Variants in SMDT1 observed in about 807,000 individuals in gnomAD.
SMDT1 encodes the protein single-pass membrane protein with aspartate rich tail 1.
Under a neutral mutation model 5.9 loss-of-function variants are expected in SMDT1, and 6 were observed. The observed-to-expected ratio is 1.03, with a 90% CI of 0.56 to 2.02. The LOEUF (loss-of-function observed/expected upper bound fraction) is 2.02. SMDT1 is among the 30% of genes most tolerant of loss of function. The pLI is 0.00. For missense variants in SMDT1, 159 were observed against 145.6 expected, an observed-to-expected ratio of 1.09 and a Z score of -0.47; for synonymous variants, 81 against 62.4, an observed-to-expected ratio of 1.30 and a Z score of -1.40.
rs532195634 is a variant in SMDT1 at position 42,084,216 on chromosome 22, A to G, written c.*1101A>G. ...AACTTGGAAGCTCCACGCCCCTTCT[A>G]TACCTCACCCTATGCATCTCTTCAG... On this transcript the variant is annotated 3_prime_UTR_variant, in exon 3 of 3. Coordinates refer to ENST00000331479, the MANE Select transcript of SMDT1 (RefSeq NM_033318.5). 2 of 152,304 alleles carry G rather than the reference A, an allele frequency of 1.3e-5. No homozygotes were observed. The highest frequency in any genetic ancestry group is 6.5e-5 in the Admixed American group (1 of 15,300). 9.4% of individuals were successfully genotyped at this position (152,304 alleles called of 1,614,324 possible).
rs568135886 is a variant in SMDT1 at position 42,081,130 on chromosome 22, T to A, written c.187-795T>A. On this transcript the variant is annotated intron_variant, in intron 1 of 2. Transcript: ENST00000331479. ...CTTAGACTTTTCTTTCCAGTGGACT[T>A]TTCGTCCATTTTGATGGCCATAACA... Among the ~76,000 whole-genome samples the A allele has an allele frequency of 1.1e-4, 16 of 152,262 alleles. No homozygotes were observed. The South Asian group carries it at 3.3e-3, about 32-fold the overall frequency.
At chr22:42,081,258 C>T (rs1375658136) in intron 1 of SMDT1, among the ~76,000 whole-genome samples, 4 of 151,678 alleles carry the variant, frequency 2.6e-5, no homozygotes, top group African/African-American at 4.8e-5. Context: ...CTCCGCCTCC[C>T]GGGTTCAAGT....
At position 42,083,172 on chromosome 22, in the gene SMDT1, C is replaced by T. The variant is rs897493930; in HGVS notation, c.*57C>T. On this transcript the variant is annotated 3_prime_UTR_variant, in exon 3 of 3. Transcript: ENST00000331479. ...GAAGAAATGGTGATGCTCTCAGTTT[C>T]TCTGCCTTCCCTATCAGCAGAAAGG... is the stretch of plus-strand genomic sequence containing the variant. 1 of 152,636 alleles carries T rather than the reference C, an allele frequency of 6.6e-6. No homozygotes were observed. The highest frequency in any genetic ancestry group is 1.5e-5 in the Non-Finnish European group (1 of 68,038). 9.5% of individuals were successfully genotyped at this position (152,636 alleles called of 1,614,324 possible).
intron 1 of SMDT1, 53 bp downstream of exon 1, chr22:42,080,007 G>C: frequency 1.9e-6 from 3 of 1,541,886 alleles, no homozygotes; most frequent in Non-Finnish European, 2.6e-6. Context: ...TCATTGTGGG[G>C]AGTGCGTGAG....
Position 42,081,907 on chromosome 22 carries a change from C to A in SMDT1, c.187-18C>A, listed in dbSNP as rs368212267. ...AGTGGGCTCTGGAGCTCACAGCTGC[C>A]ACTCTGACCCTCTGCAGATGTCCTT... is the stretch of plus-strand genomic sequence containing the variant. On this transcript the variant is annotated intron_variant, in intron 1 of 2. Coordinates refer to ENST00000331479, the MANE Select transcript of SMDT1 (RefSeq NM_033318.5). 6.2e-7 allele frequency: 1 copy of A among 1,613,178 alleles called. No individual in the cohort carries two copies. Among genetic ancestry groups the A allele is most frequent in the African/African-American group, 1.3e-5 (1 of 74,904 alleles).
chr22:42,082,937 A>G (rs973909199), intron 2 of SMDT1, among the ~76,000 whole-genome samples, 182 bp from the exon 3 acceptor site: 8 of 152,150 alleles, frequency 5.3e-5, no homozygotes, highest in African/African-American at 1.9e-4. Context: ...TTTTTTATAC[A>G]TTGCGGCCCC....
rs1927622083 is a variant in SMDT1, at chr22:42,079,879, C to T, written c.111C>T (p.Gly37=). The T allele has an allele frequency of 1.2e-6, 2 of 1,614,226 alleles. No individual in the cohort carries two copies. Among genetic ancestry groups the T allele is most frequent in the South Asian group, 2.2e-5 (2 of 91,080 alleles). The part of the protein sequence containing the change: ...KDGDVSAAWS[G]SGRSLVPSRS... ...GCGATGTCTCCGCCGCATGGAGCGGCTCAGGCCGGAGCCTGGTACCGTCGA... is the reference window on the plus strand; with the variant it reads ...GCGATGTCTCCGCCGCATGGAGCGGTTCAGGCCGGAGCCTGGTACCGTCGA... The change falls in exon 1 of 3, where the codon GGC becomes GGT. Residue 37 remains glycine, a synonymous_variant. Transcript: ENST00000331479.
intron 1 of SMDT1, among the ~76,000 whole-genome samples, chr22:42,081,134 G>A (rs892666938): frequency 2.0e-5 from 3 of 151,136 alleles, no homozygotes; most frequent in Non-Finnish European, 4.4e-5. Flanking sequence ...TGGACTTTTC[G>A]TCCATTTTGA....
chr22:42,079,709 G>C lies in SMDT1; in HGVS notation c.-60G>C. On this transcript the variant is annotated 5_prime_UTR_variant, in exon 1 of 3. Coordinates refer to ENST00000331479, the MANE Select transcript of SMDT1 (RefSeq NM_033318.5). ...GGCTTCGGGCGGCTTTCTTCCCGAG[G>C]GCGGCACGAGGGCTGGGCGGTGGGG... The C allele has an allele frequency of 3.9e-6, 6 of 1,533,040 alleles. No individual in the cohort carries two copies. The highest frequency in any genetic ancestry group is 5.2e-6 in the Non-Finnish European group (6 of 1,145,388). 95.0% of individuals were successfully genotyped at this position (1,533,040 alleles called of 1,614,324 possible).
At position 42,083,757 on chromosome 22, in the gene SMDT1, A is replaced by G. The variant is rs1203487672; in HGVS notation, c.*642A>G. The stretch of plus-strand genomic sequence containing the variant: ...AACCCTTGTTTTAGGCTTTTGTTAT[A>G]ATGTTGGGCACTTCGGGCCTCAGAA... On this transcript the variant is annotated 3_prime_UTR_variant, in exon 3 of 3. Coordinates refer to ENST00000331479, the MANE Select transcript of SMDT1 (RefSeq NM_033318.5). The G allele has an allele frequency of 6.6e-6, 1 of 152,134 alleles. No individual in the cohort carries two copies. The highest frequency in any genetic ancestry group is 1.5e-5 in the Non-Finnish European group (1 of 68,026). The allele number at this position is 152,134 out of a possible 1,614,324, so 9.4% of individuals were successfully genotyped here.
intron 2 of SMDT1, among the ~76,000 whole-genome samples, chr22:42,082,697 A>G (rs891864485): frequency 2.6e-5 from 4 of 152,084 alleles, no homozygotes; most frequent in Non-Finnish European, 5.9e-5. Context: ...CCCACCCCCA[A>G]ACATTGGCTC....
Position 42,079,885 on chromosome 22 carries a change from C to T in SMDT1, c.117C>T (p.Gly39=). The T allele has an allele frequency of 6.2e-7, 1 of 1,614,186 alleles. No individual in the cohort carries two copies. ...TCTCCGCCGCATGGAGCGGCTCAGG[C>T]CGGAGCCTGGTACCGTCGAGGTCAG... ...GDVSAAWSGS[G]RSLVPSRSVI... The change falls in exon 1 of 3, where the codon GGC becomes GGT. Residue 39 remains glycine, a synonymous_variant. Coordinates refer to ENST00000331479, the MANE Select transcript of SMDT1 (RefSeq NM_033318.5).
chr22:42,080,248 C>G (rs1239698274), intron 1 of SMDT1, among the ~76,000 whole-genome samples: 1 of 152,130 alleles, frequency 6.6e-6, no homozygotes, highest in African/African-American at 2.4e-5. Flanking sequence ...GTGCTTCTAG[C>G]TTAGAGCAGT....
At chr22:42,081,057 T>C (rs909419575) in intron 1 of SMDT1, among the ~76,000 whole-genome samples, 1 of 152,206 alleles carries the variant, frequency 6.6e-6, no homozygotes, top group Admixed American at 6.5e-5. Flanking sequence ...CCTGTAGGGA[T>C]TTAAAGTAAT....
At chr22:42,080,215 C>G (rs1014766895) in intron 1 of SMDT1, among the ~76,000 whole-genome samples, 2 of 152,194 alleles carry the variant, frequency 1.3e-5, no homozygotes, top group Admixed American at 6.5e-5. Flanking sequence ...CTCTGCTCCT[C>G]TGGAGTCAGA....
In SMDT1 at chr22:42,081,962, T is replaced by A. The variant is rs376600035; in HGVS notation, c.224T>A (p.Ile75Asn). Reference sequence around the variant, plus strand: ...CTTCTCCGTGTGTTCTCCATTGTGATCCCCTTTCTCTATGTCGGGACACTC... The same window carrying A: ...CTTCTCCGTGTGTTCTCCATTGTGAACCCCTTTCTCTATGTCGGGACACTC... ...FGLLRVFSIV[I>N]PFLYVGTLIS... Residue 75 changes from isoleucine to asparagine, a missense_variant, in exon 2 of 3, where the codon ATC becomes AAC. Physicochemically the swap from Ile to Asn is moderately radical, Grantham distance 149. Coordinates refer to ENST00000331479, the MANE Select transcript of SMDT1 (RefSeq NM_033318.5). 6.2e-7 allele frequency: 1 copy of A among 1,613,998 alleles called. No homozygotes were observed. Among genetic ancestry groups the A allele is most frequent in the Non-Finnish European group, 8.5e-7 (1 of 1,180,042 alleles).
Position 42,079,749 on chromosome 22 carries a change from T to A in SMDT1, c.-20T>A. On this transcript the variant is annotated 5_prime_UTR_variant, in exon 1 of 3. Coordinates refer to ENST00000331479, the MANE Select transcript of SMDT1 (RefSeq NM_033318.5). ...GGGCGGTGGGGTGCGGGTGCCCGGG[T>A]GAGGGGCGGAGCTGGGGGCATGGCG... The A allele has an allele frequency of 6.3e-7, 1 of 1,591,424 alleles. No homozygotes were observed. The highest frequency in any genetic ancestry group is 8.5e-7 in the Non-Finnish European group (1 of 1,172,172).
intron 1 of SMDT1, among the ~76,000 whole-genome samples, chr22:42,080,942 G>A (rs775547323): frequency 1.3e-5 from 2 of 152,206 alleles, no homozygotes; most frequent in Non-Finnish European, 2.9e-5. Flanking sequence ...GAACTGTGTA[G>A]AATATCCCTT....
At chr22:42,080,040 C>G (rs1927655642) in intron 1 of SMDT1, 86 bp downstream of exon 1, 1 of 1,373,522 alleles carries the variant, frequency 7.3e-7, no homozygotes, top group Non-Finnish European at 9.9e-7. Flanking sequence ...TGATAGGAGC[C>G]AAGGCCAATC....
Sources: allele counts gnomAD v4.1 joint callset (sites outside exome capture counted in the v4.1 genomes callset), GRCh38; gene constraint gnomAD v4.1.1; transcripts MANE v1.5; gene names NCBI Gene and HGNC (gene_info 2026-07-23, HGNC 2026-07-21).